Variants in BLVRB observed in about 807,000 individuals in gnomAD.
BLVRB encodes biliverdin reductase B, also known as flavin reductase (NADPH).
A neutral mutation model predicts 21.1 loss-of-function variants in BLVRB; 25 were observed. The observed-to-expected ratio is 1.19, with a 90% CI of 0.86 to 1.66. The LOEUF is 1.66. Ranked by LOEUF, BLVRB falls within the 40% of genes most tolerant of loss-of-function variation. The pLI, the probability that BLVRB is intolerant of heterozygous loss-of-function variation, is 0.00. For synonymous variants in BLVRB, 128 were observed against 122.2 expected, an observed-to-expected ratio of 1.05 and a Z score of -0.31; for missense variants, 274 against 282.7, an observed-to-expected ratio of 0.97 and a Z score of 0.22.
chr19:40,462,144 C>T (rs1469726678), intron 1 of BLVRB, among the ~76,000 whole-genome samples: 2 of 152,232 alleles, frequency 1.3e-5, no homozygotes, highest in African/African-American at 4.8e-5. Context: ...TCAGCTTCCT[C>T]ATCTCTGAAG....
chr19:40,465,661 C>G lies in BLVRB; in HGVS notation c.28G>C (p.Gly10Arg). The G allele has an allele frequency of 6.2e-7, 1 of 1,612,792 alleles. No homozygotes were observed. The highest frequency in any genetic ancestry group is 8.5e-7 in the Non-Finnish European group (1 of 1,179,794). The change falls in exon 1 of 5, where the codon GGC becomes CGC. Residue 10 changes from glycine to arginine, a missense_variant. Gly to Arg is a moderately radical substitution (Grantham distance 125). Transcript: ENST00000263368. ...GTGAGCCCGGTCTGGCCAGTGGCGC[C>G]GAAGATCGCGATCTTCTTGACGGCC... is the stretch of plus-strand genomic sequence containing the variant. The part of the protein sequence containing the change: MAVKKIAIF[G>R]ATGQTGLTTL...
intron 3 of BLVRB, among the ~76,000 whole-genome samples, chr19:40,454,282 CCA>C (rs1205761700): frequency 5.3e-5 from 8 of 152,070 alleles, no homozygotes; most frequent in Admixed American, 1.3e-4. Flanking sequence ...GCGTGTGCCA[CCA>C]CACCTGGCTA....
intron 1 of BLVRB, among the ~76,000 whole-genome samples, chr19:40,462,165 A>G (rs772637484): frequency 1.6e-4 from 25 of 152,202 alleles, no homozygotes; most frequent in Non-Finnish European, 3.2e-4. Flanking sequence ...TGAGGATCAC[A>G]GCACCAGCCT....
In BLVRB at chr19:40,451,367, T is replaced by C. The variant is rs751499697; in HGVS notation, c.460A>G (p.Ile154Val). Residue 154 changes from isoleucine to valine, a missense_variant, in exon 4 of 5, where the codon ATA (isoleucine) becomes GTA (valine). Transcript: ENST00000263368. ...ACCAGGTCCCTGCCCTGCTTACCTA[T>C]GTGTGGCGGCATCACAGCCACGTAC... ...LKYVAVMPPH[I>V]GDQPLTGAYT... 13 of 1,602,312 alleles carry C rather than the reference T, an allele frequency of 8.1e-6. No homozygotes were observed. Among genetic ancestry groups the C allele is most frequent in the Non-Finnish European group, 1.0e-5 (12 of 1,174,826 alleles).
At chr19:40,462,621 G>A (rs1308237432) in intron 1 of BLVRB, among the ~76,000 whole-genome samples, 1 of 149,022 alleles carries the variant, frequency 6.7e-6, no homozygotes, top group East Asian at 2.0e-4. Context: ...GCCGGGCGTG[G>A]TGGCTCACGC....
At chr19:40,456,800 T>G (rs1205288400) in intron 3 of BLVRB, among the ~76,000 whole-genome samples, 4 of 151,840 alleles carry the variant, frequency 2.6e-5, no homozygotes, top group African/African-American at 7.3e-5. Flanking sequence ...GGCAGGAGAA[T>G]CACTGTGGGC....
At chr19:40,459,808 T>C (rs1482296485) in intron 1 of BLVRB, among the ~76,000 whole-genome samples, 1 of 152,192 alleles carries the variant, frequency 6.6e-6, no homozygotes, top group Non-Finnish European at 1.5e-5. Flanking sequence ...TAACCTCAGG[T>C]GATCCACCCA....
intron 4 of BLVRB, among the ~76,000 whole-genome samples, chr19:40,450,709 A>ATT (rs201806085): frequency 2.9e-3 from 403 of 139,236 alleles, no homozygotes; most frequent in African/African-American, 9.0e-3. Flanking sequence ...CGCCCAGCTA[A>ATT]TTTTTTTTTT....
rs142505402 is a variant in BLVRB at position 40,458,237 on chromosome 19, C to G, written c.252G>C (p.Thr84=). The G allele has an allele frequency of 1.5e-3, 2,226 of 1,520,548 alleles. 14 individuals carry two copies. The African/African-American group carries it at 0.026, about 17-fold the overall frequency. 94.2% of individuals were successfully genotyped at this position (1,520,548 alleles called of 1,614,324 possible). The change falls in exon 3 of 5, where the codon ACG becomes ACC. Residue 84 remains threonine (T), a synonymous_variant. Coordinates refer to ENST00000263368, the MANE Select transcript of BLVRB (RefSeq NM_000713.3). The part of the protein sequence containing the change: ...LLGTRNDLSP[T]TVMSEGARNI... Reference sequence around the variant, plus strand: ...TCCGGGCGCCCTCGGACATCACTGTCGTGGGACCTTAGAGGGGACAGAGAG... The same window carrying G: ...TCCGGGCGCCCTCGGACATCACTGTGGTGGGACCTTAGAGGGGACAGAGAG...
At chr19:40,463,792 A>G (rs1455411519) in intron 1 of BLVRB, among the ~76,000 whole-genome samples, 1 of 147,428 alleles carries the variant, frequency 6.8e-6, no homozygotes, top group Non-Finnish European at 1.5e-5. Flanking sequence ...TTTGAGACAG[A>G]GTTTCACTCT....
rs1599689579 is a variant in BLVRB, at chr19:40,458,416, G to A, written c.209C>T (p.Ala70Val). 1 of 1,592,088 alleles carries A rather than the reference G, an allele frequency of 6.3e-7. No individual in the cohort carries two copies. The highest frequency in any genetic ancestry group is 1.3e-5 in the African/African-American group (1 of 74,648). ...GCGGGTGCCCAGCAGCACGATGACA[G>A]CGTCCTGCCCAGCCACGGTCTTGTC... ...DVDKTVAGQD[A>V]VIVLLGTRND... is the part of the protein sequence containing the mutation. The change falls in exon 2 of 5, where the codon GCT (alanine) becomes GTT (valine). Residue 70 changes from alanine (A) to valine (V), a missense_variant. Physicochemically the swap from Ala to Val is moderately conservative, Grantham distance 64. Transcript: ENST00000263368.
intron 3 of BLVRB, among the ~76,000 whole-genome samples, chr19:40,456,143 C>T (rs777497582): frequency 1.3e-5 from 2 of 151,998 alleles, no homozygotes; most frequent in Non-Finnish European, 1.5e-5. Context: ...AAGTAAGCAG[C>T]CATGATGTAT....
At chr19:40,457,991 C>T in intron 3 of BLVRB, 164 bp downstream of exon 3, 1 of 696,038 alleles carries the variant, frequency 1.4e-6, no homozygotes, top group Non-Finnish European at 2.5e-6. Flanking sequence ...CTGTACAGGT[C>T]ACCACTGTGT....
intron 3 of BLVRB, among the ~76,000 whole-genome samples, chr19:40,454,592 C>T (rs1231363498): frequency 6.6e-6 from 1 of 151,558 alleles, no homozygotes; most frequent in African/African-American, 2.4e-5. Context: ...GTCACCCAGG[C>T]TGGAGTGCAG....
chr19:40,457,320 T>G (rs978666999), intron 3 of BLVRB, among the ~76,000 whole-genome samples: 1 of 152,210 alleles, frequency 6.6e-6, no homozygotes, highest in African/African-American at 2.4e-5. Flanking sequence ...CTTTGTCCTC[T>G]GCCTGGAGTG....
At chr19:40,448,070 C>A in intron 4 of BLVRB, 24 bp from the exon 5 acceptor site, 1 of 1,596,722 alleles carries the variant, frequency 6.3e-7, no homozygotes, top group Non-Finnish European at 8.6e-7. Flanking sequence ...ACAAGAGGGG[C>A]TGGATAAAGC....
intron 3 of BLVRB, among the ~76,000 whole-genome samples, chr19:40,454,202 C>G (rs1353477957): frequency 6.6e-6 from 1 of 152,060 alleles, no homozygotes; most frequent in Non-Finnish European, 1.5e-5. Flanking sequence ...ACATCATTCT[C>G]ACTGCAACCT....
intron 3 of BLVRB, among the ~76,000 whole-genome samples, chr19:40,457,255 A>T (rs1482779927): frequency 1.3e-5 from 2 of 152,028 alleles, no homozygotes; most frequent in Non-Finnish European, 2.9e-5. Context: ...AAAAGCCATA[A>T]ATGATTTTGC....
At chr19:40,448,976 A>C (rs535905579) in intron 4 of BLVRB, among the ~76,000 whole-genome samples, 73 of 152,154 alleles carry the variant, frequency 4.8e-4, no homozygotes, top group African/African-American at 1.7e-3. Context: ...AGTCCCAGCT[A>C]CTTGGGCAGG....
Sources: allele counts gnomAD v4.1 joint callset (sites outside exome capture counted in the v4.1 genomes callset), GRCh38; gene constraint gnomAD v4.1.1; transcripts MANE v1.5; gene names NCBI Gene and HGNC (gene_info 2026-07-23, HGNC 2026-07-21).